The following MYLK variants were observed in gnomAD, a reference collection of about 807,000 sequenced individuals.
MYLK encodes the protein myosin light chain kinase, also known as myosin light chain kinase, smooth muscle.
MYLK carries 106 observed loss-of-function variants against 203.4 expected under a neutral mutation model. The ratio of observed to expected loss-of-function variants is 0.52; its 90% CI spans 0.45 to 0.61. MYLK has a LOEUF of 0.61. MYLK is among the 20% of genes least tolerant of loss of function. The pLI is 0.00. For synonymous variants in MYLK, 867 were observed against 959.5 expected, an observed-to-expected ratio of 0.90 and a Z score of 1.78; for missense variants, 2,072 against 2,442.3, an observed-to-expected ratio of 0.85 and a Z score of 3.20.
chr3:123,723,655 T>C (rs879780951), intron 12 of MYLK, among the ~76,000 whole-genome samples: 1 of 152,176 alleles, frequency 6.6e-6, no homozygotes, highest in Non-Finnish European at 1.5e-5. Context: ...TCAGGGCACA[T>C]CAGAATTGGG....
In MYLK at chr3:123,884,301, C is replaced by A. The variant is rs1014543148; in HGVS notation, c.-281G>T. 4.1e-5 allele frequency: 6 copies of A among 146,342 alleles called. No individual in the cohort carries two copies. Among genetic ancestry groups the A allele is most frequent in the Non-Finnish European group, 7.6e-5 (5 of 66,160 alleles). 9.1% of individuals were successfully genotyped at this position (146,342 alleles called of 1,614,324 possible). ...GCGCGGGCTCCGAGCTCGCTCAGCG[C>A]CCTGCTGCCGACCGGGCGGCGCGGG... On this transcript the variant is annotated 5_prime_UTR_variant, in exon 1 of 34. Coordinates refer to ENST00000360304, the MANE Select transcript of MYLK (RefSeq NM_053025.4).
rs372664094 is a variant in MYLK, at chr3:123,649,192, G to T, written c.4291C>A (p.Pro1431Thr). Residue 1431 changes from proline to threonine, a missense_variant and splice_region_variant, in exon 25 of 34, where the codon CCG (proline) becomes ACG (threonine). By Grantham distance (38) the Pro-to-Thr change is conservative. This residue lies in a region of MYLK where 524 missense variants were observed against 782.4 expected (regional missense o/e 0.67). Transcript: ENST00000360304. The part of the protein sequence containing the change: ...LTTVGEKPEE[P>T]KDEVEVSDDD... ...TCTGACACCTCCACTTCATCCTTCGGCTCTGGGGGGGGCACAAGGAAGGAC... is the reference window on the plus strand; with the variant it reads ...TCTGACACCTCCACTTCATCCTTCGTCTCTGGGGGGGGCACAAGGAAGGAC... 5 of 1,611,992 alleles carry T rather than the reference G, an allele frequency of 3.1e-6. No homozygotes were observed. Among genetic ancestry groups the T allele is most frequent in the African/African-American group, 1.3e-5 (1 of 74,686 alleles).
At chr3:123,667,028 G>T in intron 21 of MYLK, 109 bp downstream of exon 21, 1 of 1,018,202 alleles carries the variant, frequency 9.8e-7, no homozygotes, top group Non-Finnish European at 1.6e-6. Flanking sequence ...TGGGGTTGCA[G>T]TGGGGTGTCT....
intron 20 of MYLK, among the ~76,000 whole-genome samples, chr3:123,679,913 C>T (rs988068218): frequency 6.6e-6 from 1 of 152,152 alleles, no homozygotes; most frequent in Non-Finnish European, 1.5e-5. Context: ...CCCCCTTCTG[C>T]TTCTCAAGAC....
rs185004609 is a variant in MYLK, at chr3:123,839,465, G to C, written c.-126-7795C>G. ...AAAGGAATATTACCAGGGATAAAGA[G>C]AGTAATTTCATAATGATAAAAGGAT... On this transcript the variant is annotated intron_variant, in intron 2 of 33. Coordinates refer to ENST00000360304, the MANE Select transcript of MYLK (RefSeq NM_053025.4). Among the ~76,000 whole-genome samples the C allele has an allele frequency of 1.5e-4, 23 of 152,216 alleles. No homozygotes were observed. In the East Asian group the frequency reaches 4.0e-3, roughly 27 times the overall value.
intron 1 of MYLK, among the ~76,000 whole-genome samples, chr3:123,881,368 C>T (rs780990699): frequency 6.6e-6 from 1 of 152,092 alleles, no homozygotes; most frequent in Non-Finnish European, 1.5e-5. Context: ...CCAAGTTGAG[C>T]GAGGACATTG....
At chr3:123,731,670 T>G (rs1428318645) in intron 11 of MYLK, among the ~76,000 whole-genome samples, 1 of 152,154 alleles carries the variant, frequency 6.6e-6, no homozygotes, top group Non-Finnish European at 1.5e-5. Flanking sequence ...ATTATTTCAT[T>G]GATATCCCTG....
chr3:123,860,248 T>C (rs1441729670), intron 2 of MYLK, among the ~76,000 whole-genome samples: 1 of 152,142 alleles, frequency 6.6e-6, no homozygotes, highest in African/African-American at 2.4e-5. Context: ...GGGGGAGCCA[T>C]GATGCTGAGC....
At chr3:123,659,385 CAT>C (rs1174581597) in intron 23 of MYLK, among the ~76,000 whole-genome samples, 3 of 152,222 alleles carry the variant, frequency 2.0e-5, no homozygotes, top group African/African-American at 4.8e-5. Flanking sequence ...CCCTGTTACA[CAT>C]GTCTCTTGGC....
intron 2 of MYLK, among the ~76,000 whole-genome samples, chr3:123,872,523 C>T (rs1218900760): frequency 1.3e-5 from 2 of 152,124 alleles, no homozygotes; most frequent in African/African-American, 2.4e-5. Context: ...GACCAACCGA[C>T]GATAAGTTAG....
In MYLK at chr3:123,629,020, A is replaced by C. The variant is rs1056225149; in HGVS notation, c.5114+454T>G. On this transcript the variant is annotated intron_variant, in intron 30 of 33. Transcript: ENST00000360304. This position sits in a 1 kb window ranked among gnomAD's most constrained non-coding sequence, Gnocchi z 4.4. ...AACACTAAGCCAGAATAATAATAAT[A>C]ATCTGGGGATATGATCGGGACCCAC... Among the ~76,000 whole-genome samples the C allele has an allele frequency of 6.6e-6, 1 of 152,086 alleles. No individual in the cohort carries two copies. Among genetic ancestry groups the C allele is most frequent in the East Asian group, 1.9e-4 (1 of 5,196 alleles).
Position 123,653,309 on chromosome 3 carries a change from G to A in MYLK, c.4288+3817C>T, listed in dbSNP as rs550443928. Among the ~76,000 whole-genome samples, 162 of 152,198 alleles carry A rather than the reference G, an allele frequency of 1.1e-3. 1 individual carries two copies. Among genetic ancestry groups the A allele is most frequent in the African/African-American group, 3.6e-3 (149 of 41,500 alleles). ...GAGCCATTTCCCTCTTCAGCAGAGG[G>A]ATGGCCTATGAAGCTTTATAACTAA... is the stretch of plus-strand genomic sequence containing the variant. On this transcript the variant is annotated intron_variant, in intron 24 of 33. Transcript: ENST00000360304.
At chr3:123,718,470 A>C (rs112890707) in intron 13 of MYLK, among the ~76,000 whole-genome samples, 4,654 of 152,278 alleles carry the variant, frequency 0.031, 214 homozygotes, top group African/African-American at 0.1. Context: ...AGAGGCCTGG[A>C]ATGGTGAGCC....
chr3:123,821,161 A>T (rs2065924577), intron 3 of MYLK, among the ~76,000 whole-genome samples: 1 of 152,240 alleles, frequency 6.6e-6, no homozygotes, highest in Non-Finnish European at 1.5e-5. Context: ...AAAAATAAAT[A>T]AAAAATTAAA....
At chr3:123,863,237 T>G (rs1273996718) in intron 2 of MYLK, among the ~76,000 whole-genome samples, 2 of 151,970 alleles carry the variant, frequency 1.3e-5, no homozygotes, top group East Asian at 3.9e-4. Flanking sequence ...CAAAAATTAA[T>G]TTGAGATGGA....
chr3:123,618,659 C>A lies in MYLK; in HGVS notation c.5480G>T (p.Arg1827Ile). Reference sequence around the variant, plus strand: ...CTTACCTTCAATCTTGCAGTCAAATCTAGCAGCACTTCCCTCCACAACTTC... The same window carrying A: ...CTTACCTTCAATCTTGCAGTCAAATATAGCAGCACTTCCCTCCACAACTTC... ...DLEVVEGSAARFDCKIEGYPD... is the reference protein window; with the variant it reads ...DLEVVEGSAAIFDCKIEGYPD... Residue 1827 changes from arginine (R) to isoleucine (I), a missense_variant, in exon 33 of 34, where the codon AGA becomes ATA. Transcript: ENST00000360304. 1 of 1,614,132 alleles carries A rather than the reference C, an allele frequency of 6.2e-7. No homozygotes were observed. The highest frequency in any genetic ancestry group is 1.7e-5 in the Admixed American group (1 of 60,014).
chr3:123,785,878 T>C (rs1404466617), intron 4 of MYLK, among the ~76,000 whole-genome samples: 1 of 152,210 alleles, frequency 6.6e-6, no homozygotes, highest in Non-Finnish European at 1.5e-5. Flanking sequence ...AATTTAAGTT[T>C]AAGTAGCCAC....
At chr3:123,870,443 C>T (rs2032697047) in intron 2 of MYLK, among the ~76,000 whole-genome samples, 1 of 152,218 alleles carries the variant, frequency 6.6e-6, no homozygotes, top group African/African-American at 2.4e-5. Context: ...CTACCATATA[C>T]CTGACAGGAG....
rs1366223359 is a variant in MYLK, at chr3:123,612,985, A to AT, written c.*1119dup. The AT allele has an allele frequency of 6.5e-6, 1 of 152,672 alleles. No homozygotes were observed. The highest frequency in any genetic ancestry group is 1.5e-5 in the Non-Finnish European group (1 of 68,052). 9.5% of individuals were successfully genotyped at this position (152,672 alleles called of 1,614,324 possible). A position where few individuals can be genotyped will look rare whatever the true frequency, so the allele number is the denominator to read the frequency against. On this transcript the variant is annotated 3_prime_UTR_variant, in exon 34 of 34. Coordinates refer to ENST00000360304, the MANE Select transcript of MYLK (RefSeq NM_053025.4). ...TTCCTAAAGACGCAAGTCTGAGTGCATTTACCAGGTCTAAGAATATATTTA... is the reference window on the plus strand; with the variant it reads ...TTCCTAAAGACGCAAGTCTGAGTGCATTTTACCAGGTCTAAGAATATATTTA...
Sources: allele counts gnomAD v4.1 joint callset (sites outside exome capture counted in the v4.1 genomes callset), GRCh38; gene constraint gnomAD v4.1.1; regional missense constraint gnomAD v4.1.1; non-coding constraint Gnocchi (gnomAD v3.1); transcripts MANE v1.5; gene names NCBI Gene and HGNC (gene_info 2026-07-23, HGNC 2026-07-21).